Variants in ZNF469 observed in about 807,000 individuals in gnomAD.
ZNF469 encodes the protein zinc finger protein 469.
ZNF469 carries 1 observed loss-of-function variant against 1.0 expected under a neutral mutation model. That is an observed-to-expected ratio of 1.00 (90% CI 0.35 to 4.73). ZNF469 has a LOEUF of 4.73. ZNF469 is among the 30% of genes most tolerant of loss of function. The probability of loss-of-function intolerance (pLI) is 0.16; values close to 1 mark genes in which losing one functional copy is unlikely to be tolerated. For missense variants in ZNF469, 6,100 were observed against 5,356.3 expected (o/e 1.14, Z -4.33); for synonymous variants, 2,703 against 2,363.4 (o/e 1.14, Z -4.17).
the ZNF469 span, among the ~76,000 whole-genome samples, chr16:88,286,410 G>A: frequency 6.6e-6 from 1 of 152,246 alleles, no homozygotes; most frequent in Admixed American, 6.5e-5. Context: ...TGAGCTCGCT[G>A]GTGCCCTCTT....
the ZNF469 span, among the ~76,000 whole-genome samples, chr16:88,363,139 T>C: frequency 1.3e-5 from 2 of 152,244 alleles, no homozygotes; most frequent in Admixed American, 6.5e-5. Flanking sequence ...ACCTTGAGCC[T>C]AGTAAAAGAA....
the ZNF469 span, among the ~76,000 whole-genome samples, chr16:88,319,759 C>A: frequency 6.6e-6 from 1 of 152,220 alleles, no homozygotes; most frequent in Non-Finnish European, 1.5e-5. Context: ...AGGAGCCGGC[C>A]CCCAGGCCTC....
At chr16:88,323,169 C>T in the ZNF469 span, among the ~76,000 whole-genome samples, 50 of 152,316 alleles carry the variant, frequency 3.3e-4, 2 homozygotes, top group South Asian at 6.6e-3. Context: ...AGGAGCCAGG[C>T]TCGGTGGCCA....
At chr16:88,377,596 G>A in the ZNF469 span, among the ~76,000 whole-genome samples, 7 of 152,254 alleles carry the variant, frequency 4.6e-5, no homozygotes, top group East Asian at 1.9e-4. Context: ...GGGCTCAGCC[G>A]GGCTCCAGGC....
chr16:88,249,716 G>A, the ZNF469 span, among the ~76,000 whole-genome samples: 5 of 152,164 alleles, frequency 3.3e-5, no homozygotes, highest in East Asian at 1.9e-4. Flanking sequence ...GATTACAGGC[G>A]TGAGCCACCA....
At chr16:88,257,890 A>G in the ZNF469 span, among the ~76,000 whole-genome samples, 7 of 152,280 alleles carry the variant, frequency 4.6e-5, no homozygotes, top group African/African-American at 1.7e-4. Flanking sequence ...GCTTAGAATC[A>G]CTTCCCTTTT....
the ZNF469 span, among the ~76,000 whole-genome samples, chr16:88,324,974 A>G: frequency 1.3e-5 from 2 of 152,178 alleles, no homozygotes; most frequent in Non-Finnish European, 2.9e-5. Context: ...ACTTACAGTC[A>G]TGGTGGAAGG....
At chr16:88,265,547 G>A in the ZNF469 span, among the ~76,000 whole-genome samples, 8 of 152,304 alleles carry the variant, frequency 5.3e-5, no homozygotes, top group South Asian at 8.3e-4. Flanking sequence ...GGCCGGGTGC[G>A]TCCAGTAAAG....
chr16:88,207,594 C>G, the ZNF469 span, among the ~76,000 whole-genome samples: 1 of 150,798 alleles, frequency 6.6e-6, no homozygotes, highest in Non-Finnish European at 1.5e-5. Context: ...CTTATTCTCT[C>G]CATTCGGAGG....
At chr16:88,101,859 G>T in the ZNF469 span, among the ~76,000 whole-genome samples, 8 of 152,156 alleles carry the variant, frequency 5.3e-5, no homozygotes, top group Non-Finnish European at 8.8e-5. Flanking sequence ...CCTTTAGAAG[G>T]TTCCTCCATG....
rs80281994 is a variant in ZNF469 at position 88,397,632 on chromosome 16, G to A, written c.-192+14378G>A. On this transcript the variant is annotated intron_variant, in intron 1 of 2. Transcript: ENST00000565624. ...GGATGGATGGATGGGTGGATGGATG[G>A]ATGGATGGATGGATATAAATAAGAG... Among the ~76,000 whole-genome samples, 173 of 82,446 alleles carry A rather than the reference G, an allele frequency of 2.1e-3. 1 individual carries two copies. Among genetic ancestry groups the A allele is most frequent in the African/African-American group, 6.0e-3 (100 of 16,540 alleles). The allele number at this position is 82,446 out of a possible 152,430, so 54.1% of individuals were successfully genotyped here.
At chr16:88,135,748 G>GTTTTTTTTTTTTT in the ZNF469 span, among the ~76,000 whole-genome samples, 9 of 66,928 alleles carry the variant, frequency 1.3e-4, no homozygotes, top group African/African-American at 4.4e-4. Context: ...AGCTGGCCAT[G>GTTTTTTTTTTTTT]TTTTTTTTTT....
chr16:88,266,193 C>G, the ZNF469 span, among the ~76,000 whole-genome samples: 8 of 152,232 alleles, frequency 5.3e-5, no homozygotes, highest in African/African-American at 1.9e-4. Context: ...GGCAGGGGGC[C>G]CAGCCCTCCA....
the ZNF469 span, among the ~76,000 whole-genome samples, chr16:88,213,744 A>G: frequency 6.6e-6 from 1 of 152,048 alleles, no homozygotes; most frequent in Non-Finnish European, 1.5e-5. Context: ...CTCTTTTCCC[A>G]GTATTTCCAC....
upstream of ZNF469, among the ~76,000 whole-genome samples, chr16:88,381,203 CAG>C (rs1487812404): frequency 2.6e-4 from 29 of 111,270 alleles, no homozygotes; most frequent in African/African-American, 3.3e-4. Flanking sequence ...CATGCATTCA[CAG>C]ACACACACAC....
the ZNF469 span, among the ~76,000 whole-genome samples, chr16:88,331,272 GTCA>G: frequency 4.6e-3 from 577 of 125,698 alleles, 3 homozygotes; most frequent in African/African-American, 0.017. Flanking sequence ...CACCTTCATA[GTCA>G]TCATCATCAC....
chr16:88,432,254 G>A lies in ZNF469; in HGVS notation c.4784G>A (p.Gly1595Asp). 3 of 1,548,158 alleles carry A rather than the reference G, an allele frequency of 1.9e-6. No homozygotes were observed. The highest frequency in any genetic ancestry group is 1.7e-6 in the Non-Finnish European group (2 of 1,146,982). The change falls in exon 3 of 3, where the codon GGC (glycine) becomes GAC (aspartate). Residue 1595 changes from glycine (G) to aspartate (D), a missense_variant. Gly to Asp is a moderately conservative substitution (Grantham distance 94, BLOSUM62 -1). Coordinates refer to ENST00000565624, the MANE Select transcript of ZNF469 (RefSeq NM_001367624.2). ...PRELAEAESVGRVELGTGTEP... is the reference protein window; with the variant it reads ...PRELAEAESVDRVELGTGTEP... ...GAGCTTGCAGAAGCTGAGTCGGTGG[G>A]CAGGGTGGAGCTCGGCACAGGCACA...
At chr16:88,178,405 A>C in the ZNF469 span, 1 of 151,998 alleles carries the variant, frequency 6.6e-6, no homozygotes, top group Non-Finnish European at 1.5e-5. Flanking sequence ...AGAACTGAGC[A>C]CTCCGACGTT....
the ZNF469 span, among the ~76,000 whole-genome samples, chr16:88,181,330 A>G: frequency 1.3e-5 from 2 of 152,208 alleles, no homozygotes; most frequent in Non-Finnish European, 2.9e-5. Context: ...TCGGCCTCCC[A>G]AAGTGCTGGG....
Sources: allele counts gnomAD v4.1 joint callset (sites outside exome capture counted in the v4.1 genomes callset), GRCh38; gene constraint gnomAD v4.1.1; transcripts MANE v1.5; gene names NCBI Gene and HGNC (gene_info 2026-07-23, HGNC 2026-07-21).